The following TMEM117 variants were observed in gnomAD, a reference collection of about 807,000 sequenced individuals.
The protein encoded by TMEM117 is transmembrane protein 117.
Under a neutral mutation model 52.4 loss-of-function variants are expected in TMEM117, and 27 were observed. That is an observed-to-expected ratio of 0.51 (90% confidence interval 0.38 to 0.71). TMEM117 has a LOEUF of 0.71. Ranked by LOEUF, TMEM117 falls within the 30% of genes least tolerant of loss-of-function variation. The pLI is 0.00. For missense variants in TMEM117, 556 were observed against 630.5 expected (o/e 0.88, Z 1.26); for synonymous variants, 215 against 206.3 (o/e 1.04, Z -0.36).
At chr12:43,995,620 G>A (rs898063922) in intron 3 of TMEM117, among the ~76,000 whole-genome samples, 4 of 152,126 alleles carry the variant, frequency 2.6e-5, no homozygotes, top group African/African-American at 4.8e-5. Flanking sequence ...AGATTTTAGT[G>A]TACTCATCAC....
At chr12:44,376,522 A>G in intron 6 of TMEM117, 73 bp from the exon 7 acceptor site, 1 of 1,562,618 alleles carries the variant, frequency 6.4e-7, no homozygotes, top group Non-Finnish European at 8.7e-7. Flanking sequence ...GCTTATAAAA[A>G]GTCAATTTTT....
intron 3 of TMEM117, among the ~76,000 whole-genome samples, chr12:43,983,807 C>T (rs140378230): frequency 1.3e-5 from 2 of 151,594 alleles, no homozygotes; most frequent in Admixed American, 6.6e-5. Flanking sequence ...TCCAAGGTCA[C>T]AGTTAGCACT....
At chr12:44,208,232 G>C (rs1244401227) in intron 4 of TMEM117, among the ~76,000 whole-genome samples, 1 of 152,034 alleles carries the variant, frequency 6.6e-6, no homozygotes, top group Non-Finnish European at 1.5e-5. Flanking sequence ...TCTAAAATAA[G>C]TTATATTCTA....
chr12:43,872,011 A>G (rs889692169), intron 2 of TMEM117, among the ~76,000 whole-genome samples: 5 of 152,188 alleles, frequency 3.3e-5, no homozygotes, highest in African/African-American at 1.2e-4. Flanking sequence ...CTCCCGCCTC[A>G]GCCTCCTCAG....
intron 3 of TMEM117, among the ~76,000 whole-genome samples, chr12:44,116,498 A>G (rs776917446): frequency 2.6e-5 from 4 of 152,058 alleles, no homozygotes; most frequent in Non-Finnish European, 5.9e-5. Flanking sequence ...AATTTCACCT[A>G]CTTTTAAAAC....
intron 7 of TMEM117, among the ~76,000 whole-genome samples, chr12:44,377,124 G>A (rs1951953122): frequency 6.6e-6 from 1 of 152,148 alleles, no homozygotes; most frequent in Non-Finnish European, 1.5e-5. Context: ...TAGCTGAGCA[G>A]CCACTTCTGG....
intron 5 of TMEM117, among the ~76,000 whole-genome samples, chr12:44,212,364 G>A (rs1949657627): frequency 6.6e-6 from 1 of 152,146 alleles, no homozygotes; most frequent in South Asian, 2.1e-4. Flanking sequence ...TTGCAGTGCT[G>A]TGTCCAAGTG....
chr12:43,814,530 C>T, the TMEM117 span, among the ~76,000 whole-genome samples: 4 of 152,106 alleles, frequency 2.6e-5, no homozygotes, highest in African/African-American at 9.7e-5. Context: ...TCCAGACTCT[C>T]GCTTGTTCAG....
the TMEM117 span, among the ~76,000 whole-genome samples, chr12:43,816,609 A>AT: frequency 6.6e-6 from 1 of 152,218 alleles, no homozygotes; most frequent in Non-Finnish European, 1.5e-5. Flanking sequence ...CAGAACAGGG[A>AT]TTTTGATAGG....
chr12:44,245,707 G>T (rs1950120862), intron 5 of TMEM117, among the ~76,000 whole-genome samples: 1 of 151,546 alleles, frequency 6.6e-6, no homozygotes, highest in Non-Finnish European at 1.5e-5. Flanking sequence ...CTTATTTAAG[G>T]AAAAAGCTTA....
At chr12:43,824,800 G>T in the TMEM117 span, among the ~76,000 whole-genome samples, 2 of 152,150 alleles carry the variant, frequency 1.3e-5, no homozygotes, top group African/African-American at 4.8e-5. Flanking sequence ...ATGGTGGCGG[G>T]TGCCTGTAGT....
intron 6 of TMEM117, among the ~76,000 whole-genome samples, chr12:44,354,413 T>A (rs1389214482): frequency 6.6e-6 from 1 of 151,846 alleles, no homozygotes; most frequent in Non-Finnish European, 1.5e-5. Flanking sequence ...GATGCAAAAA[T>A]CCTCAGTAAA....
intron 3 of TMEM117, among the ~76,000 whole-genome samples, chr12:44,056,031 A>G (rs927493937): frequency 6.6e-6 from 1 of 152,194 alleles, no homozygotes; most frequent in African/African-American, 2.4e-5. Flanking sequence ...AATTACAAGT[A>G]TATAGATGCA....
At chr12:44,147,896 C>T (rs538634595) in intron 4 of TMEM117, among the ~76,000 whole-genome samples, 27 of 149,658 alleles carry the variant, frequency 1.8e-4, no homozygotes, top group African/African-American at 5.9e-4. Context: ...TGTGCCACTG[C>T]ACTCCAGCCT....
chr12:44,365,969 C>T (rs1390858860), intron 6 of TMEM117, among the ~76,000 whole-genome samples: 2 of 151,994 alleles, frequency 1.3e-5, no homozygotes, highest in East Asian at 1.9e-4. Flanking sequence ...TTCCTGTAAC[C>T]TCACTGACTG....
intron 5 of TMEM117, among the ~76,000 whole-genome samples, chr12:44,288,767 CACA>C (rs1335621783): frequency 2.6e-5 from 4 of 152,044 alleles, no homozygotes; most frequent in East Asian, 1.9e-4. Flanking sequence ...GTTTAAAGTG[CACA>C]ACATGATTTA....
intron 3 of TMEM117, among the ~76,000 whole-genome samples, chr12:44,111,714 C>G (rs1182934593): frequency 7.1e-6 from 1 of 141,532 alleles, no homozygotes; most frequent in Non-Finnish European, 1.5e-5. Context: ...CTGTAGATGT[C>G]TATTAGGTCC....
intron 3 of TMEM117, among the ~76,000 whole-genome samples, chr12:43,944,793 G>A (rs1945102457): frequency 6.6e-6 from 1 of 152,076 alleles, no homozygotes; most frequent in African/African-American, 2.4e-5. Flanking sequence ...GAGAGAGAGA[G>A]ACCTTTGTTA....
intron 3 of TMEM117, among the ~76,000 whole-genome samples, chr12:44,120,456 T>C (rs1299110228): frequency 2.6e-5 from 4 of 152,188 alleles, no homozygotes; most frequent in Non-Finnish European, 5.9e-5. Context: ...AGGCTTATTC[T>C]TCTGCCCATT....
Sources: gnomAD v4.1 joint callset for allele counts (sites outside exome capture counted in the v4.1 genomes callset) on GRCh38, gnomAD v4.1.1 for gene constraint, MANE v1.5 for transcripts, NCBI Gene and HGNC (gene_info 2026-07-23, HGNC 2026-07-21) for gene names.